The following RBFOX2 variants were observed in gnomAD, a reference collection of about 807,000 sequenced individuals.
RBFOX2 encodes the protein RNA binding fox-1 homolog 2.
RBFOX2 carries 10 observed loss-of-function variants against 49.1 expected under a neutral mutation model. The observed-to-expected ratio is 0.20, with a 90% CI of 0.13 to 0.35. RBFOX2 has a LOEUF of 0.35. RBFOX2 is among the 10% of genes least tolerant of loss of function. The pLI, the probability that RBFOX2 is intolerant of heterozygous loss-of-function variation, is 1.00. For missense variants in RBFOX2, 323 were observed against 486.9 expected, an observed-to-expected ratio of 0.66 and a Z score of 3.17; for synonymous variants, 183 against 187.4, an observed-to-expected ratio of 0.98 and a Z score of 0.19.
At chr22:35,982,851 C>T (rs2057529606) in intron 1 of RBFOX2, among the ~76,000 whole-genome samples, 1 of 151,010 alleles carries the variant, frequency 6.6e-6, no homozygotes. Flanking sequence ...AAAAGCAAAA[C>T]AGCAACAAGA....
chr22:35,961,738 G>T, upstream of RBFOX2: 1 of 1,248,506 alleles, frequency 8.0e-7, no homozygotes, highest in Non-Finnish European at 1.0e-6. Context: ...AAGGTTTTCC[G>T]TTCTCCCCAC....
chr22:35,944,813 C>G (rs1048895043), intron 1 of RBFOX2, among the ~76,000 whole-genome samples: 1 of 152,088 alleles, frequency 6.6e-6, no homozygotes, highest in Non-Finnish European at 1.5e-5. Context: ...CGGCGGCTCA[C>G]GGCTGTAATC....
intron 1 of RBFOX2, among the ~76,000 whole-genome samples, chr22:35,875,896 T>A (rs559224044): frequency 4.6e-5 from 7 of 152,006 alleles, no homozygotes; most frequent in African/African-American, 1.2e-4. Context: ...AGTAAAAAAA[T>A]AAATAAATAA....
chr22:35,873,606 T>A (rs1455032514), intron 1 of RBFOX2, among the ~76,000 whole-genome samples: 2 of 152,180 alleles, frequency 1.3e-5, no homozygotes, highest in Non-Finnish European at 2.9e-5. Context: ...GTCACCCCAA[T>A]TTTTTACATC....
chr22:35,909,384 G>T (rs766613827), intron 1 of RBFOX2, among the ~76,000 whole-genome samples: 1 of 152,144 alleles, frequency 6.6e-6, no homozygotes, highest in Non-Finnish European at 1.5e-5. Context: ...TTGAGAGGTT[G>T]TAAGGGGAGA....
chr22:35,849,119 A>G (rs1569378855), intron 1 of RBFOX2, among the ~76,000 whole-genome samples: 2 of 152,330 alleles, frequency 1.3e-5, no homozygotes, highest in South Asian at 4.1e-4. Flanking sequence ...GTGGGGAAAG[A>G]TGCCCTCTAC....
chr22:35,789,047 C>T (rs888366758), intron 2 of RBFOX2, among the ~76,000 whole-genome samples: 7 of 152,080 alleles, frequency 4.6e-5, no homozygotes, highest in Admixed American at 3.3e-4. Flanking sequence ...CGGCCAAATG[C>T]TTATCAGAAT....
chr22:35,847,729 C>T (rs2041399576), intron 1 of RBFOX2, among the ~76,000 whole-genome samples: 1 of 151,938 alleles, frequency 6.6e-6, no homozygotes. Flanking sequence ...TATCCCATTA[C>T]CTCCATTTCT....
chr22:35,821,759 C>G (rs776818873), intron 1 of RBFOX2: 1 of 518,746 alleles, frequency 1.9e-6, no homozygotes, highest in Non-Finnish European at 3.8e-6. Flanking sequence ...CTGACCACCC[C>G]CAAGCTTTGG....
chr22:35,912,812 G>GAAGA (rs1347623350), intron 1 of RBFOX2, among the ~76,000 whole-genome samples: 1 of 152,180 alleles, frequency 6.6e-6, no homozygotes, highest in Non-Finnish European at 1.5e-5. Context: ...GCATGGCATT[G>GAAGA]AAGAAAGAAC....
At chr22:35,866,964 C>T (rs2043759847) in intron 1 of RBFOX2, among the ~76,000 whole-genome samples, 1 of 152,102 alleles carries the variant, frequency 6.6e-6, no homozygotes, top group African/African-American at 2.4e-5. Flanking sequence ...ACAGTATCTA[C>T]GTTCAATGTC....
chr22:35,868,840 G>A (rs949353111), intron 1 of RBFOX2, among the ~76,000 whole-genome samples: 3 of 152,166 alleles, frequency 2.0e-5, no homozygotes, highest in Non-Finnish European at 4.4e-5. Context: ...AAATTAACAA[G>A]GTCATGAGAC....
Position 35,905,377 on chromosome 22 carries a change from T to C in RBFOX2, c.-34+33470A>G, listed in dbSNP as rs187250761. 3.6e-3 allele frequency among the ~76,000 whole-genome samples: 554 copies of C among 152,324 alleles called. 2 individuals carry two copies. Among genetic ancestry groups the C allele is most frequent in the Non-Finnish European group, 5.0e-3 (339 of 68,018 alleles). ...CCAGCAAAAGCTCCTGAAATATTAC[T>C]CTTTTATATTCCTAAACAATACTGA... is the stretch of plus-strand genomic sequence containing the variant. On this transcript the variant is annotated intron_variant, in intron 1 of 13. Transcript: ENST00000359369.
At chr22:35,891,246 G>C (rs963981883) in intron 1 of RBFOX2, among the ~76,000 whole-genome samples, 2 of 152,100 alleles carry the variant, frequency 1.3e-5, no homozygotes, top group East Asian at 3.9e-4. Context: ...CAATTCTTCT[G>C]CCTCAGCCTC....
chr22:35,818,922 T>C (rs1245119932), intron 1 of RBFOX2, among the ~76,000 whole-genome samples: 2 of 152,238 alleles, frequency 1.3e-5, no homozygotes, highest in Non-Finnish European at 2.9e-5. Flanking sequence ...TGTTGTAGTC[T>C]ACCTCTTTAA....
At chr22:35,933,953 T>TATATATATATACAC (rs1009021083) in intron 1 of RBFOX2, among the ~76,000 whole-genome samples, 26 of 141,068 alleles carry the variant, frequency 1.8e-4, no homozygotes, top group African/African-American at 7.0e-4. Context: ...TATATATATA[T>TATATATATATACAC]ACACACATCA....
intron 1 of RBFOX2, among the ~76,000 whole-genome samples, chr22:35,991,724 A>C (rs1361459239): frequency 6.6e-6 from 1 of 152,190 alleles, no homozygotes; most frequent in Non-Finnish European, 1.5e-5. Context: ...GCAAACAAGA[A>C]AACTCTCTGA....
chr22:35,750,535 G>C lies in RBFOX2; in HGVS notation c.888-3974C>G, dbSNP rs575671093. Reference sequence around the variant, plus strand: ...CACCCTAATGTAGGAGGGCACACACGGACGGCTTTTTGGAACTCTGATAGC... The same window carrying C: ...CACCCTAATGTAGGAGGGCACACACCGACGGCTTTTTGGAACTCTGATAGC... On this transcript the variant is annotated intron_variant, in intron 9 of 11. Transcript: ENST00000405409. 9 of 1,123,458 alleles carry C rather than the reference G, an allele frequency of 8.0e-6. No individual in the cohort carries two copies. In the African/African-American group the frequency reaches 1.2e-4, roughly 15 times the overall value. The allele number at this position is 1,123,458 out of a possible 1,614,324, so 69.6% of individuals were successfully genotyped here.
chr22:35,862,035 T>C (rs927367020), intron 1 of RBFOX2, among the ~76,000 whole-genome samples: 2 of 152,206 alleles, frequency 1.3e-5, no homozygotes, highest in Non-Finnish European at 2.9e-5. Context: ...CAGTACTTAT[T>C]GTATGAGTCC....
Sources: allele counts gnomAD v4.1 joint callset (sites outside exome capture counted in the v4.1 genomes callset), GRCh38; gene constraint gnomAD v4.1.1; transcripts MANE v1.5; gene names NCBI Gene and HGNC (gene_info 2026-07-23, HGNC 2026-07-21).